The following SLC30A8 variants were observed in gnomAD, a reference collection of about 807,000 sequenced individuals.
SLC30A8 encodes the protein solute carrier family 30 member 8, also known as proton-coupled zinc antiporter SLC30A8.
A neutral mutation model predicts 36.9 loss-of-function variants in SLC30A8; 27 were observed. The observed-to-expected ratio is 0.73, with a 90% CI of 0.54 to 1.01. The LOEUF (loss-of-function observed/expected upper bound fraction) is 1.01. Among genes scored for constraint, SLC30A8 ranks in the 50% least tolerant of loss-of-function variants. SLC30A8 has a pLI of 0.00. For synonymous variants in SLC30A8, 164 were observed against 172.4 expected, an observed-to-expected ratio of 0.95 and a Z score of 0.38; for missense variants, 439 against 452.0, an observed-to-expected ratio of 0.97 and a Z score of 0.26.
chr8:116,989,002 A>G (rs1321018777), intron 1 of SLC30A8, among the ~76,000 whole-genome samples: 1 of 152,234 alleles, frequency 6.6e-6, no homozygotes, highest in Admixed American at 6.5e-5. Flanking sequence ...GGTCCCTAAC[A>G]CAAGTGATTG....
chr8:117,095,077 G>GAGTGC (rs1282957039), intron 2 of SLC30A8, among the ~76,000 whole-genome samples: 1 of 152,204 alleles, frequency 6.6e-6, no homozygotes, highest in African/African-American at 2.4e-5. Flanking sequence ...AGGCCCCTAA[G>GAGTGC]AGTGCAGAGA....
chr8:117,150,266 A>G (rs1822115578), intron 2 of SLC30A8, among the ~76,000 whole-genome samples: 1 of 152,228 alleles, frequency 6.6e-6, no homozygotes, highest in Admixed American at 6.5e-5. Context: ...ACTGTAGCCC[A>G]GCAATGGGAC....
intron 1 of SLC30A8, among the ~76,000 whole-genome samples, chr8:117,011,776 T>C (rs1816351398): frequency 6.6e-6 from 1 of 152,216 alleles, no homozygotes; most frequent in African/African-American, 2.4e-5. Context: ...AATAATCATC[T>C]AATGGCAAAT....
intron 2 of SLC30A8, among the ~76,000 whole-genome samples, chr8:117,069,834 G>T (rs1376749206): frequency 1.3e-5 from 2 of 152,198 alleles, no homozygotes; most frequent in Non-Finnish European, 2.9e-5. Context: ...GGGCACACTG[G>T]CAGTGCAGTC....
At chr8:117,012,737 A>ACACACACACG (rs1816388598) in intron 1 of SLC30A8, among the ~76,000 whole-genome samples, 1 of 149,684 alleles carries the variant, frequency 6.7e-6, no homozygotes, top group Non-Finnish European at 1.5e-5. Flanking sequence ...ACACACACAC[A>ACACACACACG]CACACACACA....
chr8:117,131,549 AAGTAGAGTCCAGAGG>A (rs1474036087), upstream of SLC30A8, among the ~76,000 whole-genome samples: 1 of 150,136 alleles, frequency 6.7e-6, no homozygotes. Context: ...TAATTTGAGA[AAGTAGAGTCCAGAGG>A]GTTTGAGAGA....
intron 2 of SLC30A8, among the ~76,000 whole-genome samples, chr8:117,073,704 A>G (rs530943741): frequency 6.6e-6 from 1 of 152,324 alleles, no homozygotes; most frequent in Non-Finnish European, 1.5e-5. Context: ...CCTTTGGAAA[A>G]TAAATATCCT....
At chr8:117,066,567 C>T (rs369074525) in intron 2 of SLC30A8, among the ~76,000 whole-genome samples, 1 of 152,168 alleles carries the variant, frequency 6.6e-6, no homozygotes, top group African/African-American at 2.4e-5. Context: ...TTTACTCCTA[C>T]TGGCTTTGGT....
At chr8:117,089,088 T>C (rs546981805) in intron 2 of SLC30A8, among the ~76,000 whole-genome samples, 2 of 152,264 alleles carry the variant, frequency 1.3e-5, no homozygotes, top group South Asian at 4.1e-4. Flanking sequence ...TTACACTCTT[T>C]GGGTAAACTT....
intron 2 of SLC30A8, among the ~76,000 whole-genome samples, chr8:117,081,084 A>G (rs1818662343): frequency 6.6e-6 from 1 of 152,176 alleles, no homozygotes; most frequent in South Asian, 2.1e-4. Context: ...CTGCAGAGTC[A>G]TCTGCATCTT....
At chr8:116,995,430 C>T (rs1815781919) in intron 1 of SLC30A8, among the ~76,000 whole-genome samples, 2 of 152,090 alleles carry the variant, frequency 1.3e-5, no homozygotes, top group Non-Finnish European at 2.9e-5. Context: ...TCATTTCCCA[C>T]TAGATGTGAT....
At chr8:117,062,231 T>C (rs1563574515) in intron 2 of SLC30A8, among the ~76,000 whole-genome samples, 2 of 152,148 alleles carry the variant, frequency 1.3e-5, no homozygotes, top group Non-Finnish European at 2.9e-5. Context: ...AAGAATGGCA[T>C]GTGTGTTAGT....
At chr8:116,950,218 T>G (rs1200306419), upstream of SLC30A8, 1 of 157,136 alleles carries the variant, frequency 6.4e-6, no homozygotes, top group Non-Finnish European at 1.4e-5. Flanking sequence ...TTCTCGAGCA[T>G]GCCCAGAGCG....
At chr8:117,078,637 A>G (rs1364511040) in intron 2 of SLC30A8, among the ~76,000 whole-genome samples, 1 of 152,198 alleles carries the variant, frequency 6.6e-6, no homozygotes, top group Non-Finnish European at 1.5e-5. Flanking sequence ...TGATATATTT[A>G]TATTATGTCA....
chr8:117,120,008 A>C (rs946129849), intron 2 of SLC30A8, among the ~76,000 whole-genome samples: 26 of 151,986 alleles, frequency 1.7e-4, no homozygotes. Context: ...GTGCTCATAA[A>C]TTGGAAGACT....
At chr8:117,014,140 TA>T (rs1008727076) in intron 1 of SLC30A8, among the ~76,000 whole-genome samples, 1 of 152,176 alleles carries the variant, frequency 6.6e-6, no homozygotes, top group Non-Finnish European at 1.5e-5. Context: ...CAACCTAATA[TA>T]GGGGCACATG....
At chr8:117,051,609 C>A (rs545666263) in intron 2 of SLC30A8, among the ~76,000 whole-genome samples, 1 of 151,948 alleles carries the variant, frequency 6.6e-6, no homozygotes, top group African/African-American at 2.4e-5. Flanking sequence ...GTCAGGAGAT[C>A]GAGACCATCC....
At chr8:117,094,328 A>G (rs943947637) in intron 2 of SLC30A8, among the ~76,000 whole-genome samples, 1 of 152,140 alleles carries the variant, frequency 6.6e-6, no homozygotes, top group Admixed American at 6.5e-5. Flanking sequence ...GGTGAAGAGG[A>G]GTTTTATTGA....
chr8:116,953,982 C>T (rs969265881), intron 1 of SLC30A8, among the ~76,000 whole-genome samples: 4 of 151,910 alleles, frequency 2.6e-5, no homozygotes, highest in Non-Finnish European at 5.9e-5. Flanking sequence ...AGGTTTAGGG[C>T]CAGCAAATAG....
Sources: allele counts gnomAD v4.1 joint callset (sites outside exome capture counted in the v4.1 genomes callset), GRCh38; gene constraint gnomAD v4.1.1; transcripts MANE v1.5; gene names NCBI Gene and HGNC (gene_info 2026-07-23, HGNC 2026-07-21).